SOX6: variants seen among roughly 807,000 people sequenced by gnomAD.
The protein encoded by SOX6 is transcription factor SOX-6.
Under a neutral mutation model 97.8 loss-of-function variants are expected in SOX6, and 11 were observed. The ratio of observed to expected loss-of-function variants is 0.11; its 90% CI spans 0.07 to 0.19. The LOEUF (loss-of-function observed/expected upper bound fraction) is 0.19, where lower values mean the gene tolerates loss of function less well. SOX6 is among the 10% of genes least tolerant of loss of function. SOX6 has a pLI of 1.00. For synonymous variants in SOX6, 360 were observed against 371.4 expected (o/e 0.97, Z 0.35); for missense variants, 810 against 1,039.5 (o/e 0.78, Z 3.04).
At chr11:16,193,034 T>C (rs887379970) in intron 4 of SOX6, among the ~76,000 whole-genome samples, 2 of 152,194 alleles carry the variant, frequency 1.3e-5, no homozygotes, top group Non-Finnish European at 2.9e-5. Context: ...ATTCATTAAA[T>C]AGATATTCTC....
chr11:16,134,386 G>A (rs1849900376), intron 6 of SOX6, among the ~76,000 whole-genome samples: 1 of 148,616 alleles, frequency 6.7e-6, no homozygotes, highest in Admixed American at 6.6e-5. Context: ...GGGAAGTAAG[G>A]AAAGCCTTGA....
At chr11:16,377,219 A>T (rs1857666873) in intron 1 of SOX6, among the ~76,000 whole-genome samples, 1 of 152,150 alleles carries the variant, frequency 6.6e-6, no homozygotes, top group African/African-American at 2.4e-5. Context: ...AAAGTGATTA[A>T]GTAGATAAAT....
chr11:16,677,299 G>A (rs1285974497), intron 3 of SOX6, among the ~76,000 whole-genome samples: 1 of 151,934 alleles, frequency 6.6e-6, no homozygotes, highest in Admixed American at 6.6e-5. Context: ...CACCAAGATG[G>A]GAAATGAGGA....
At chr11:16,439,121 A>G (rs2133083961) in intron 1 of SOX6, among the ~76,000 whole-genome samples, 1 of 152,324 alleles carries the variant, frequency 6.6e-6, no homozygotes, top group East Asian at 1.9e-4. Context: ...GAAATTAAAT[A>G]TCTAAAAGCT....
intron 1 of SOX6, among the ~76,000 whole-genome samples, chr11:16,383,491 C>T (rs144094853): frequency 4.1e-4 from 63 of 151,990 alleles, no homozygotes; most frequent in African/African-American, 1.3e-3. Context: ...TAATCTTGGG[C>T]AAGTTGCTCA....
At chr11:16,277,793 A>G (rs899996851) in intron 3 of SOX6, among the ~76,000 whole-genome samples, 2 of 152,200 alleles carry the variant, frequency 1.3e-5, no homozygotes, top group African/African-American at 4.8e-5. Context: ...TTTCCCTTAT[A>G]GTTTAATATA....
chr11:16,364,673 T>A (rs1185040700), intron 1 of SOX6, among the ~76,000 whole-genome samples: 2 of 152,090 alleles, frequency 1.3e-5, no homozygotes, highest in African/African-American at 2.4e-5. Context: ...TTGAAAAGTA[T>A]AAAACACCAT....
upstream of SOX6, among the ~76,000 whole-genome samples, chr11:16,356,980 CA>C (rs1285902034): frequency 6.6e-6 from 1 of 151,848 alleles, no homozygotes; most frequent in African/African-American, 2.4e-5. Context: ...AAAGACAAGC[CA>C]AAAAACTAAC....
intron 1 of SOX6, chr11:16,397,326 G>A (rs189604596): frequency 6.6e-5 from 10 of 151,938 alleles, no homozygotes; most frequent in Admixed American, 2.6e-4. Flanking sequence ...TTAACAAACA[G>A]ATTTAGAACT....
chr11:16,309,927 T>C (rs1365753544), intron 3 of SOX6, among the ~76,000 whole-genome samples: 1 of 152,086 alleles, frequency 6.6e-6, no homozygotes, highest in African/African-American at 2.4e-5. Flanking sequence ...ACTTATTTCA[T>C]AAAACCATCA....
In SOX6 at chr11:16,448,410, A is replaced by AT. The variant is rs1039158335; in HGVS notation, c.-5+27904dup. ...GAGCCTTTTCAATATCACTACTCTC[A>AT]TTTTTTTTTCCCCATTACCCTCCTT... is the stretch of plus-strand genomic sequence containing the variant. On this transcript the variant is annotated intron_variant, in intron 1 of 15. Transcript: ENST00000396356. 2.7e-4 allele frequency among the ~76,000 whole-genome samples: 40 copies of AT among 150,734 alleles called. 1 individual carries two copies. The South Asian group carries it at 7.2e-3, about 27-fold the overall frequency.
chr11:16,645,078 A>G (rs539251149), intron 3 of SOX6, among the ~76,000 whole-genome samples: 1 of 152,310 alleles, frequency 6.6e-6, no homozygotes, highest in East Asian at 1.9e-4. Context: ...ATTTCTCAAC[A>G]CATTTAATTG....
rs138183570 is a variant in SOX6 at position 16,534,523 on chromosome 11, C to T, written n.610-58135G>A. 4.3e-4 allele frequency among the ~76,000 whole-genome samples: 65 copies of T among 152,120 alleles called. 1 individual carries two copies. In the East Asian group the frequency reaches 0.011, roughly 27 times the overall value. On this transcript the variant is annotated intron_variant and non_coding_transcript_variant, in intron 4 of 5. Transcript: ENST00000524520. ...AGTCTTTGGAAATATCAGAAGTTCC[C>T]AACACACAAATGGATTTAGTTTCAA...
At chr11:16,157,034 T>A (rs956061816) in intron 6 of SOX6, among the ~76,000 whole-genome samples, 3 of 152,074 alleles carry the variant, frequency 2.0e-5, no homozygotes, top group African/African-American at 4.8e-5. Flanking sequence ...TAAATATTTG[T>A]GTAATTAAAT....
chr11:16,524,922 A>C (rs1334518686), intron 4 of SOX6, among the ~76,000 whole-genome samples: 1 of 152,208 alleles, frequency 6.6e-6, no homozygotes, highest in East Asian at 1.9e-4. Context: ...TCCAACTTAC[A>C]AGGGACGTGA....
intron 3 of SOX6, among the ~76,000 whole-genome samples, chr11:16,245,804 C>T (rs991673548): frequency 2.6e-5 from 4 of 151,394 alleles, no homozygotes; most frequent in African/African-American, 7.3e-5. Flanking sequence ...AAACTTTTAA[C>T]ATATTTACAT....
intron 4 of SOX6, among the ~76,000 whole-genome samples, chr11:16,602,787 C>T (rs1308492791): frequency 6.6e-6 from 1 of 151,938 alleles, no homozygotes; most frequent in Non-Finnish European, 1.5e-5. Flanking sequence ...TTTGGGAGGC[C>T]GAGGCAGGCA....
At chr11:16,553,894 C>A (rs959426062) in intron 4 of SOX6, among the ~76,000 whole-genome samples, 2 of 152,062 alleles carry the variant, frequency 1.3e-5, no homozygotes, top group Non-Finnish European at 2.9e-5. Flanking sequence ...GAAAAATAGA[C>A]CACTTTCTCT....
At chr11:16,184,574 A>T (rs1851421876) in intron 5 of SOX6, among the ~76,000 whole-genome samples, 1 of 152,176 alleles carries the variant, frequency 6.6e-6, no homozygotes, top group African/African-American at 2.4e-5. Context: ...CAATGTGTTT[A>T]TTTCATAGTA....
Sources: gnomAD v4.1 joint callset for allele counts (sites outside exome capture counted in the v4.1 genomes callset) on GRCh38, gnomAD v4.1.1 for gene constraint, MANE v1.5 for transcripts, NCBI Gene and HGNC (gene_info 2026-07-23, HGNC 2026-07-21) for gene names.